DCC: variants seen among roughly 807,000 people sequenced by gnomAD.
DCC encodes netrin receptor DCC.
A neutral mutation model predicts 172.5 loss-of-function variants in DCC; 58 were observed. That is an observed-to-expected ratio of 0.34 (90% CI 0.27 to 0.42). DCC has a LOEUF of 0.42. Ranked by LOEUF, DCC falls within the 10% of genes least tolerant of loss-of-function variation. DCC has a pLI of 1.00. For missense variants in DCC, 1,740 were observed against 1,791.0 expected, an observed-to-expected ratio of 0.97 and a Z score of 0.51; for synonymous variants, 709 against 644.5, an observed-to-expected ratio of 1.10 and a Z score of -1.52.
At chr18:52,949,781 T>G (rs147549872) in intron 5 of DCC, among the ~76,000 whole-genome samples, 2,056 of 152,342 alleles carry the variant, frequency 0.013, 61 homozygotes, top group African/African-American at 0.048. Context: ...GGTGATAATA[T>G]ATTTTGCCTG....
chr18:53,166,626 T>A (rs191112259), intron 8 of DCC, among the ~76,000 whole-genome samples: 1 of 152,310 alleles, frequency 6.6e-6, no homozygotes, highest in Admixed American at 6.5e-5. Flanking sequence ...ACGTAACTAG[T>A]CTCAAGTGTG....
At chr18:53,337,679 C>T (rs1205479530) in intron 14 of DCC, among the ~76,000 whole-genome samples, 3 of 152,090 alleles carry the variant, frequency 2.0e-5, no homozygotes, top group Non-Finnish European at 4.4e-5. Context: ...AAAATTCTGT[C>T]GATGTGGCAA....
At chr18:52,748,780 CG>C (rs1223825694) in intron 1 of DCC, among the ~76,000 whole-genome samples, 2 of 152,130 alleles carry the variant, frequency 1.3e-5, no homozygotes, top group Non-Finnish European at 1.5e-5. Flanking sequence ...CATCTCTGGG[CG>C]GAGAGGCGAT....
chr18:52,428,194 T>C (rs72920773), intron 1 of DCC, among the ~76,000 whole-genome samples: 28 of 152,242 alleles, frequency 1.8e-4, no homozygotes, highest in Non-Finnish European at 3.7e-4. Flanking sequence ...ATTGATCAGC[T>C]TTCTGATTTC....
chr18:53,477,996 A>C (rs930699335), intron 25 of DCC, among the ~76,000 whole-genome samples: 1 of 152,268 alleles, frequency 6.6e-6, no homozygotes, highest in African/African-American at 2.4e-5. Context: ...AATTACAAAA[A>C]AGTCAGAACA....
At chr18:52,414,583 C>T (rs1476370653) in intron 1 of DCC, among the ~76,000 whole-genome samples, 2 of 152,022 alleles carry the variant, frequency 1.3e-5, no homozygotes, top group Non-Finnish European at 2.9e-5. Context: ...AGTGGGAGAA[C>T]AGAGATGTGC....
chr18:52,479,914 T>C (rs2029888023), intron 1 of DCC, among the ~76,000 whole-genome samples: 1 of 152,162 alleles, frequency 6.6e-6, no homozygotes. Context: ...ATGCTATTTT[T>C]TGATTGGTAG....
chr18:53,225,126 C>T (rs2056004991), intron 12 of DCC, among the ~76,000 whole-genome samples: 1 of 151,980 alleles, frequency 6.6e-6, no homozygotes, highest in Non-Finnish European at 1.5e-5. Context: ...ATGTCATATA[C>T]TAATGAGAGA....
At chr18:53,407,438 A>C (rs892581664) in intron 19 of DCC, among the ~76,000 whole-genome samples, 6 of 149,016 alleles carry the variant, frequency 4.0e-5, no homozygotes, top group Admixed American at 6.7e-5. Context: ...GGACATGCAC[A>C]TAATAGAATA....
chr18:53,146,586 G>C (rs1396327022), intron 7 of DCC, among the ~76,000 whole-genome samples: 2 of 152,204 alleles, frequency 1.3e-5, no homozygotes, highest in Non-Finnish European at 2.9e-5. Context: ...TCAACCTGAA[G>C]GGTAGAGGGA....
intron 5 of DCC, among the ~76,000 whole-genome samples, chr18:52,926,809 A>ATGTG (rs578166217): frequency 2.1e-5 from 3 of 141,540 alleles, no homozygotes; most frequent in Non-Finnish European, 3.1e-5. Context: ...ACATATACAT[A>ATGTG]TGTGTGTGTA....
At chr18:52,690,631 T>A (rs1417664259) in intron 1 of DCC, among the ~76,000 whole-genome samples, 2 of 152,168 alleles carry the variant, frequency 1.3e-5, no homozygotes, top group Non-Finnish European at 2.9e-5. Context: ...GCTGAGCAGT[T>A]ATTGTTGTAC....
chr18:53,167,832 G>A (rs1271992424), intron 8 of DCC, among the ~76,000 whole-genome samples: 2 of 152,136 alleles, frequency 1.3e-5, no homozygotes, highest in African/African-American at 4.8e-5. Context: ...ATGGTACTGG[G>A]TTTGAAGACA....
intron 1 of DCC, among the ~76,000 whole-genome samples, chr18:52,489,608 A>G (rs1192406699): frequency 6.6e-6 from 1 of 152,128 alleles, no homozygotes; most frequent in African/African-American, 2.4e-5. Context: ...CACTGCTGCC[A>G]GGAGACCTTT....
intron 1 of DCC, among the ~76,000 whole-genome samples, chr18:52,701,690 G>T (rs1321897440): frequency 7.5e-6 from 1 of 133,938 alleles, no homozygotes; most frequent in African/African-American, 2.9e-5. Context: ...ATGAGGCACA[G>T]AATTCTTGTT....
At position 53,367,015 on chromosome 18, in the gene DCC, A is replaced by G. The variant is rs115718846; in HGVS notation, c.2360-19028A>G. Among the ~76,000 whole-genome samples the G allele has an allele frequency of 2.9e-3, 447 of 152,326 alleles. 1 individual carries two copies. The highest frequency in any genetic ancestry group is 0.01 in the African/African-American group (428 of 41,584). ...CATTTTGGTGTTTCTTTATTGTCAC[A>G]GCTTTGTCTGTACCCTAACTAATAA... On this transcript the variant is annotated intron_variant, in intron 15 of 28. Transcript: ENST00000442544.
chr18:52,683,141 G>C (rs186085188), intron 1 of DCC, among the ~76,000 whole-genome samples: 2 of 152,012 alleles, frequency 1.3e-5, no homozygotes, highest in Non-Finnish European at 1.5e-5. Flanking sequence ...TTCTGAACTA[G>C]GAGTAATGAG....
chr18:53,375,931 A>G (rs1452414675), intron 15 of DCC, among the ~76,000 whole-genome samples: 1 of 152,080 alleles, frequency 6.6e-6, no homozygotes, highest in Non-Finnish European at 1.5e-5. Flanking sequence ...TATTCCTGAC[A>G]CTATGGAGGA....
At chr18:53,077,334 GA>G (rs1337647760) in intron 7 of DCC, among the ~76,000 whole-genome samples, 1 of 152,016 alleles carries the variant, frequency 6.6e-6, no homozygotes, top group African/African-American at 2.4e-5. Flanking sequence ...ATCCCTCACT[GA>G]GCTGCAGTGT....
Sources: allele counts gnomAD v4.1 joint callset (sites outside exome capture counted in the v4.1 genomes callset), GRCh38; gene constraint gnomAD v4.1.1; transcripts MANE v1.5; gene names NCBI Gene and HGNC (gene_info 2026-07-23, HGNC 2026-07-21).